The following EFNA5 variants were observed in gnomAD, a reference collection of about 807,000 sequenced individuals.
EFNA5 encodes ephrin A5.
Under a neutral mutation model 22.9 loss-of-function variants are expected in EFNA5, and 5 were observed. The ratio of observed to expected loss-of-function variants is 0.22; its 90% CI spans 0.11 to 0.46. The LOEUF is 0.46. Ranked by LOEUF, EFNA5 falls within the 20% of genes least tolerant of loss-of-function variation. EFNA5 has a pLI of 0.99. For synonymous variants in EFNA5, 113 were observed against 112.2 expected, an observed-to-expected ratio of 1.01 and a Z score of -0.04; for missense variants, 237 against 293.3, an observed-to-expected ratio of 0.81 and a Z score of 1.40.
rs529509876 is a variant in EFNA5, at chr5:107,592,448, T to C, written c.125+78041A>G. Among the ~76,000 whole-genome samples the C allele has an allele frequency of 2.3e-3, 352 of 152,158 alleles. 1 individual carries two copies. Among genetic ancestry groups the C allele is most frequent in the Non-Finnish European group, 3.3e-3 (222 of 68,012 alleles). ...AAATATCACATGATTATTGGCAACA[T>C]GGACATGCTTTAAATAGTCTATGAA... On this transcript the variant is annotated intron_variant, in intron 1 of 4. Transcript: ENST00000333274.
At chr5:107,432,416 T>C (rs1748988075) in intron 1 of EFNA5, among the ~76,000 whole-genome samples, 2 of 152,144 alleles carry the variant, frequency 1.3e-5, no homozygotes, top group Non-Finnish European at 2.9e-5. Flanking sequence ...TCTTGGAAAA[T>C]TTCTTGTAAA....
Position 107,449,012 on chromosome 5 carries a change from G to A in EFNA5, c.126-21503C>T, listed in dbSNP as rs188331373. On this transcript the variant is annotated intron_variant, in intron 1 of 4. Transcript: ENST00000333274. ...GTAGTGCATGTGAGGTTAAAGACCT[G>A]GGTTTAAATACTTCCCCTATACCTC... Among the ~76,000 whole-genome samples, 404 of 152,018 alleles carry A rather than the reference G, an allele frequency of 2.7e-3. 5 individuals are homozygous for A. The highest frequency in any genetic ancestry group is 9.3e-3 in the African/African-American group (384 of 41,470).
chr5:107,448,213 A>G lies in EFNA5; in HGVS notation c.126-20704T>C, dbSNP rs539934193. 1.4e-4 allele frequency among the ~76,000 whole-genome samples: 22 copies of G among 152,324 alleles called. No homozygotes were observed. In the South Asian group the frequency reaches 4.1e-3, roughly 29 times the overall value. ...GATGGAGAGAAAGCTCGAAGTAGTA[A>G]GATCATTAAGGAGTCTACTGCATTA... On this transcript the variant is annotated intron_variant, in intron 1 of 4. Coordinates refer to ENST00000333274, the MANE Select transcript of EFNA5 (RefSeq NM_001962.3).
chr5:107,590,663 G>C (rs1749303147), intron 1 of EFNA5, among the ~76,000 whole-genome samples: 1 of 152,056 alleles, frequency 6.6e-6, no homozygotes, highest in East Asian at 1.9e-4. Context: ...AAAGTGCTAG[G>C]ATTACAGGAG....
At chr5:107,661,226 T>G (rs1185466420) in intron 1 of EFNA5, among the ~76,000 whole-genome samples, 1 of 152,130 alleles carries the variant, frequency 6.6e-6, no homozygotes. Flanking sequence ...TTAGCCTCCA[T>G]TATCCCAACA....
intron 1 of EFNA5, among the ~76,000 whole-genome samples, chr5:107,463,629 G>T (rs1361493519): frequency 6.6e-6 from 1 of 152,090 alleles, no homozygotes; most frequent in Non-Finnish European, 1.5e-5. Flanking sequence ...TAAATAAAGA[G>T]GAATTATAAG....
intron 1 of EFNA5, among the ~76,000 whole-genome samples, chr5:107,556,678 G>A (rs1053047675): frequency 6.6e-5 from 10 of 151,736 alleles, no homozygotes; most frequent in African/African-American, 1.9e-4. Flanking sequence ...CCGGGGAGGC[G>A]GGGGTTGCAG....
chr5:107,448,691 G>C (rs1354938943), intron 1 of EFNA5, among the ~76,000 whole-genome samples: 4 of 151,774 alleles, frequency 2.6e-5, no homozygotes, highest in Non-Finnish European at 5.9e-5. Context: ...TTAGCTGCAT[G>C]TGGTGGTGTG....
At chr5:107,668,166 C>T (rs1751114741) in intron 1 of EFNA5, among the ~76,000 whole-genome samples, 2 of 152,120 alleles carry the variant, frequency 1.3e-5, no homozygotes, top group Non-Finnish European at 2.9e-5. Context: ...GTACATCATT[C>T]TTTCTTTTGG....
intron 1 of EFNA5, among the ~76,000 whole-genome samples, chr5:107,592,545 C>T (rs1430318167): frequency 6.6e-6 from 1 of 152,102 alleles, no homozygotes; most frequent in Non-Finnish European, 1.5e-5. Context: ...AAAAACTGGT[C>T]TCGATGTCGA....
At chr5:107,501,701 C>T (rs796647705) in intron 1 of EFNA5, among the ~76,000 whole-genome samples, 2 of 152,188 alleles carry the variant, frequency 1.3e-5, no homozygotes, top group African/African-American at 4.8e-5. Context: ...CTATCGGCTA[C>T]ATTTCTGTTG....
intron 1 of EFNA5, among the ~76,000 whole-genome samples, chr5:107,553,076 T>A (rs1748332794): frequency 6.6e-6 from 1 of 152,092 alleles, no homozygotes; most frequent in African/African-American, 2.4e-5. Context: ...AGAGGGGTAA[T>A]CCTAACCACA....
At chr5:107,573,451 G>A (rs1748858814) in intron 1 of EFNA5, among the ~76,000 whole-genome samples, 1 of 151,724 alleles carries the variant, frequency 6.6e-6, no homozygotes, top group South Asian at 2.1e-4. Flanking sequence ...ACTTAATCCT[G>A]TTGGCCGTAA....
chr5:107,485,568 G>A (rs1261471668), intron 1 of EFNA5, among the ~76,000 whole-genome samples: 1 of 152,120 alleles, frequency 6.6e-6, no homozygotes, highest in African/African-American at 2.4e-5. Context: ...TTTCTGTGCT[G>A]GACCAGAAAT....
intron 1 of EFNA5, among the ~76,000 whole-genome samples, chr5:107,435,934 T>C (rs1452250277): frequency 6.6e-6 from 1 of 152,238 alleles, no homozygotes; most frequent in South Asian, 2.1e-4. Context: ...GACATCATTT[T>C]CTTGGCCAAA....
At chr5:107,466,908 A>C (rs2095075903) in intron 1 of EFNA5, among the ~76,000 whole-genome samples, 1 of 152,150 alleles carries the variant, frequency 6.6e-6, no homozygotes, top group African/African-American at 2.4e-5. Context: ...AAGAGATAAC[A>C]ATCCTAAATT....
chr5:107,551,072 T>G (rs995966439), intron 1 of EFNA5, among the ~76,000 whole-genome samples: 3 of 152,224 alleles, frequency 2.0e-5, no homozygotes, highest in Non-Finnish European at 4.4e-5. Context: ...ACCTAAGAGC[T>G]TTTTATAGTA....
intron 1 of EFNA5, among the ~76,000 whole-genome samples, chr5:107,459,255 G>A (rs1749773799): frequency 1.3e-5 from 2 of 151,660 alleles, no homozygotes; most frequent in Non-Finnish European, 1.5e-5. Context: ...ATTAGGTGGA[G>A]GAATTGGGAA....
chr5:107,660,912 G>A (rs892355958), intron 1 of EFNA5, among the ~76,000 whole-genome samples: 1 of 152,052 alleles, frequency 6.6e-6, no homozygotes, highest in Admixed American at 6.6e-5. Context: ...TTTAATAAAC[G>A]GAGCTCCCGC....
Sources: allele counts gnomAD v4.1 joint callset (sites outside exome capture counted in the v4.1 genomes callset), GRCh38; gene constraint gnomAD v4.1.1; transcripts MANE v1.5; gene names NCBI Gene and HGNC (gene_info 2026-07-23, HGNC 2026-07-21).